SLC14A2: variants seen among roughly 807,000 people sequenced by gnomAD.
SLC14A2 encodes urea transporter 2.
In SLC14A2, 91 loss-of-function variants were observed where a neutral mutation model predicts 104.6. The observed-to-expected ratio is 0.87, with a 90% CI of 0.73 to 1.04. The LOEUF is 1.04. SLC14A2 is among the 50% of genes least tolerant of loss of function. SLC14A2 has a pLI of 0.00. For synonymous variants in SLC14A2, 476 were observed against 466.4 expected, an observed-to-expected ratio of 1.02 and a Z score of -0.27; for missense variants, 1,189 against 1,156.0, an observed-to-expected ratio of 1.03 and a Z score of -0.41.
chr18:45,338,682 CAAAAAAAAAAAAAAA>C (rs59474827), intron 1 of SLC14A2, among the ~76,000 whole-genome samples: 17,631 of 52,364 alleles, frequency 0.34, 1,374 homozygotes, highest in South Asian at 0.45. Context: ...CACTGGCTCA[CAAAAAAAAAAAAAAA>C]AAAAAAAAAA....
intron 2 of SLC14A2, among the ~76,000 whole-genome samples, chr18:45,494,818 T>C (rs2043063028): frequency 6.6e-6 from 1 of 151,970 alleles, no homozygotes; most frequent in South Asian, 2.1e-4. Flanking sequence ...CCTCTGTTAG[T>C]CTACACTTTG....
intron 2 of SLC14A2, among the ~76,000 whole-genome samples, chr18:45,591,586 C>T (rs571638623): frequency 7.9e-5 from 12 of 152,298 alleles, no homozygotes; most frequent in Non-Finnish European, 1.8e-4. Context: ...CCACCCACCT[C>T]GGCCTCCCAA....
chr18:45,543,806 AGT>A (rs1433633817), intron 2 of SLC14A2, among the ~76,000 whole-genome samples: 9 of 152,210 alleles, frequency 5.9e-5, no homozygotes, highest in African/African-American at 2.2e-4. Flanking sequence ...GGATTTTAAG[AGT>A]GTTCCCACCG....
At chr18:45,432,258 T>A (rs1406879366) in intron 1 of SLC14A2, among the ~76,000 whole-genome samples, 2 of 152,052 alleles carry the variant, frequency 1.3e-5, no homozygotes, top group African/African-American at 4.8e-5. Flanking sequence ...GGAATGAAAA[T>A]GACAGACACT....
intron 1 of SLC14A2, among the ~76,000 whole-genome samples, chr18:45,251,877 A>G (rs1004402900): frequency 1.3e-5 from 2 of 152,208 alleles, no homozygotes; most frequent in Non-Finnish European, 1.5e-5. Context: ...TAGCAAATAG[A>G]GTATCTATGC....
intron 1 of SLC14A2, among the ~76,000 whole-genome samples, chr18:45,261,393 T>C (rs1436559527): frequency 6.6e-6 from 1 of 151,898 alleles, no homozygotes; most frequent in African/African-American, 2.4e-5. Context: ...TGTGCCACAT[T>C]TTCTTTTTTT....
intron 2 of SLC14A2, among the ~76,000 whole-genome samples, chr18:45,580,706 A>G (rs2044478442): frequency 1.3e-5 from 2 of 152,270 alleles, no homozygotes; most frequent in South Asian, 4.2e-4. Flanking sequence ...TTAAAGATGA[A>G]AAAATGGAGG....
chr18:45,559,441 A>G (rs1406087963), intron 2 of SLC14A2, among the ~76,000 whole-genome samples: 3 of 152,172 alleles, frequency 2.0e-5, no homozygotes, highest in Non-Finnish European at 4.4e-5. Context: ...TGTTCTGCTC[A>G]CTCAGCAGAA....
intron 1 of SLC14A2, among the ~76,000 whole-genome samples, chr18:45,326,198 G>A (rs142342339): frequency 3.9e-5 from 6 of 152,336 alleles, no homozygotes; most frequent in Non-Finnish European, 5.9e-5. Context: ...AAGAAAAACA[G>A]TAAGAGATGG....
the SLC14A2 span, among the ~76,000 whole-genome samples, chr18:45,178,494 A>G: frequency 6.6e-6 from 1 of 152,200 alleles, no homozygotes; most frequent in African/African-American, 2.4e-5. Context: ...GAAGTTTTAC[A>G]TTAATATGAA....
intron 2 of SLC14A2, among the ~76,000 whole-genome samples, chr18:45,586,150 A>G (rs2144372668): frequency 6.6e-6 from 1 of 152,358 alleles, no homozygotes; most frequent in East Asian, 1.9e-4. Context: ...CATTGCTTTC[A>G]GTATTTTAAA....
chr18:45,474,240 G>T (rs1176099800), intron 1 of SLC14A2, among the ~76,000 whole-genome samples: 1 of 152,144 alleles, frequency 6.6e-6, no homozygotes, highest in African/African-American at 2.4e-5. Flanking sequence ...TTTGATCGTG[G>T]CGGATAAGCT....
chr18:45,348,640 T>A (rs1231786952), intron 1 of SLC14A2, among the ~76,000 whole-genome samples: 2 of 152,254 alleles, frequency 1.3e-5, no homozygotes, highest in African/African-American at 4.8e-5. Flanking sequence ...CTCAATGCAA[T>A]CATTTGCAGT....
chr18:45,531,841 A>G (rs1002905806), intron 2 of SLC14A2, among the ~76,000 whole-genome samples: 1 of 152,162 alleles, frequency 6.6e-6, no homozygotes, highest in African/African-American at 2.4e-5. Context: ...TAGGTCTAAC[A>G]TGTAAGTCTT....
the SLC14A2 span, among the ~76,000 whole-genome samples, chr18:45,183,371 C>G: frequency 2.0e-5 from 3 of 152,190 alleles, no homozygotes; most frequent in African/African-American, 7.2e-5. Context: ...TCTTGCTGCA[C>G]ACTTTGATGT....
chr18:45,574,864 G>A (rs1568282243), intron 2 of SLC14A2, among the ~76,000 whole-genome samples: 1 of 152,162 alleles, frequency 6.6e-6, no homozygotes, highest in Non-Finnish European at 1.5e-5. Flanking sequence ...CTGGGCATAT[G>A]CATATGAACA....
chr18:45,476,768 G>C (rs765045126), intron 1 of SLC14A2, among the ~76,000 whole-genome samples: 2 of 151,894 alleles, frequency 1.3e-5, no homozygotes, highest in African/African-American at 4.8e-5. Context: ...CCACTTGATC[G>C]ATTCGGCTAT....
intron 1 of SLC14A2, among the ~76,000 whole-genome samples, chr18:45,349,329 A>G (rs934892095): frequency 2.0e-5 from 3 of 152,236 alleles, no homozygotes; most frequent in African/African-American, 7.2e-5. Context: ...TTGTAGCCAC[A>G]TGAGAATGTT....
chr18:45,669,844 G>C (rs2046099849), intron 16 of SLC14A2, among the ~76,000 whole-genome samples: 1 of 152,224 alleles, frequency 6.6e-6, no homozygotes, highest in Non-Finnish European at 1.5e-5. Context: ...AAGTCTTTTT[G>C]AGGCTTACAG....
Sources: gnomAD v4.1 joint callset for allele counts (sites outside exome capture counted in the v4.1 genomes callset) on GRCh38, gnomAD v4.1.1 for gene constraint, MANE v1.5 for transcripts, NCBI Gene and HGNC (gene_info 2026-07-23, HGNC 2026-07-21) for gene names.